The following DNAH2 variants were observed in gnomAD, a reference collection of about 807,000 sequenced individuals.
DNAH2 encodes the protein axonemal beta dynein heavy chain 2.
DNAH2 carries 323 observed loss-of-function variants against 523.5 expected under a neutral mutation model. The observed-to-expected ratio is 0.62, with a 90% CI of 0.56 to 0.68. DNAH2 has a LOEUF of 0.68. Among genes scored for constraint, DNAH2 ranks in the 30% least tolerant of loss-of-function variants. DNAH2 has a pLI of 0.00. For missense variants in DNAH2, 4,907 were observed against 5,701.5 expected, an observed-to-expected ratio of 0.86 and a Z score of 4.49; for synonymous variants, 2,093 against 2,177.4, an observed-to-expected ratio of 0.96 and a Z score of 1.08.
chr17:7,797,545 G>A lies in DNAH2; in HGVS notation c.8080+15G>A. On this transcript the variant is annotated intron_variant, in intron 52 of 85. Coordinates refer to ENST00000572933, the MANE Select transcript of DNAH2 (RefSeq NM_020877.5). ...TCCTATCTTTGGTGAGCCAGGAGCT[G>A]TGATGACCTTGGGCTTGACACTCTT... 1 of 1,614,178 alleles carries A rather than the reference G, an allele frequency of 6.2e-7. No individual in the cohort carries two copies. Among genetic ancestry groups the A allele is most frequent in the Non-Finnish European group, 8.5e-7 (1 of 1,180,022 alleles).
intron 56 of DNAH2, 131 bp from the exon 57 acceptor site, chr17:7,801,447 C>A (rs2077219972): frequency 1.5e-6 from 2 of 1,291,236 alleles, no homozygotes; most frequent in Non-Finnish European, 2.2e-6. Flanking sequence ...AGAATTTGGA[C>A]AAGGAGATAC....
At chr17:7,751,116 G>GTTATTTATTTAT (rs141014293) in intron 12 of DNAH2, among the ~76,000 whole-genome samples, 2 of 150,346 alleles carry the variant, frequency 1.3e-5, no homozygotes, top group Non-Finnish European at 3.0e-5. Context: ...AAAAAATCAA[G>GTTATTTATTTAT]TTATTTATTT....
chr17:7,743,118 G>A lies in DNAH2; in HGVS notation c.1880G>A (p.Gly627Asp), dbSNP rs767602836. The A allele has an allele frequency of 6.3e-7, 1 of 1,581,552 alleles. No homozygotes were observed. Among genetic ancestry groups the A allele is most frequent in the Non-Finnish European group, 8.6e-7 (1 of 1,168,042 alleles). ...PLLRISQEKA[G>D]MLDVNFDKSL... ...CTGCGAATCAGCCAGGAGAAGGCGG[G>A]CATGCTGGATGTCAACTTTGACAAG... is the stretch of plus-strand genomic sequence containing the variant. Residue 627 changes from glycine (G) to aspartate (D), a missense_variant, in exon 12 of 86, where the codon GGC (glycine) becomes GAC (aspartate). This residue lies in a region of DNAH2 where 2,806 missense variants were observed against 3,190.8 expected (regional missense o/e 0.88). Transcript: ENST00000572933.
At position 7,778,194 on chromosome 17, in the gene DNAH2, G is replaced by T; in HGVS notation, c.5351+14G>T. The T allele has an allele frequency of 6.2e-7, 1 of 1,614,226 alleles. No homozygotes were observed. The highest frequency in any genetic ancestry group is 1.6e-4 in the Middle Eastern group (1 of 6,062). On this transcript the variant is annotated intron_variant, in intron 34 of 85. Transcript: ENST00000572933. ...CCTGACGGACAGGTCTGCCATGTGG[G>T]ATGAATGAGGTGGCTGGGGTGGGGG... is the stretch of plus-strand genomic sequence containing the variant.
At chr17:7,768,497 G>A (rs1052134957) in intron 24 of DNAH2, among the ~76,000 whole-genome samples, 10 of 152,232 alleles carry the variant, frequency 6.6e-5, no homozygotes, top group Non-Finnish European at 1.3e-4. Context: ...ACACATTGTA[G>A]AATGGCTAAA....
At position 7,833,619 on chromosome 17, in the gene DNAH2, C is replaced by T; in HGVS notation, c.*86C>T. ...GTTGCACCTAGGACTGAGGCCGGAC[C>T]TCACTCAGACTTTGACCTTGGCCGA... On this transcript the variant is annotated 3_prime_UTR_variant, in exon 86 of 86. Coordinates refer to ENST00000572933, the MANE Select transcript of DNAH2 (RefSeq NM_020877.5). 1 of 1,575,974 alleles carries T rather than the reference C, an allele frequency of 6.3e-7. No homozygotes were observed. Among genetic ancestry groups the T allele is most frequent in the Non-Finnish European group, 8.6e-7 (1 of 1,162,126 alleles).
In DNAH2 at chr17:7,786,205, T is replaced by C. The variant is rs746514742; in HGVS notation, c.6211T>C (p.Tyr2071His). ...PFTLTKVFQL[Y>H]ETKNSRHSTM... ...CACCCTCACCAAGGTTTTCCAGTTG[T>C]ATGAAACCAAGAACTCCCGCCACTC... Residue 2071 changes from tyrosine (Y) to histidine (H), a missense_variant, in exon 40 of 86, where the codon TAT becomes CAT. Physicochemically the swap from Tyr to His is moderately conservative, Grantham distance 83. Transcript: ENST00000572933. The surrounding 1 kb of genome is among the most constrained non-coding windows in gnomAD (Gnocchi z 7.5). The C allele has an allele frequency of 6.2e-7, 1 of 1,613,882 alleles. No individual in the cohort carries two copies. The highest frequency in any genetic ancestry group is 1.1e-5 in the South Asian group (1 of 91,082).
At chr17:7,799,469 G>T (rs2077162565) in intron 56 of DNAH2, among the ~76,000 whole-genome samples, 1 of 152,116 alleles carries the variant, frequency 6.6e-6, no homozygotes, top group African/African-American at 2.4e-5. Flanking sequence ...GTTTGTTTTG[G>T]TGGGTGGCTT....
intron 77 of DNAH2, among the ~76,000 whole-genome samples, chr17:7,826,111 C>T (rs1189160226): frequency 6.6e-6 from 1 of 152,180 alleles, no homozygotes; most frequent in East Asian, 1.9e-4. Flanking sequence ...GCTCCGCCTC[C>T]CAGGTTCAAG....
chr17:7,793,447 TTTTC>T (rs557051250), intron 48 of DNAH2, among the ~76,000 whole-genome samples: 1,610 of 96,200 alleles, frequency 0.017, 33 homozygotes, highest in African/African-American at 0.043. Flanking sequence ...CTTTCTTTCT[TTTTC>T]TTTCTTTCTT....
At chr17:7,796,045 A>ATTTTT (rs377411281) in intron 49 of DNAH2, among the ~76,000 whole-genome samples, 1 of 107,672 alleles carries the variant, frequency 9.3e-6, no homozygotes, top group African/African-American at 3.5e-5. Context: ...TGAGTTTAGG[A>ATTTTT]TTTTTTTTTT....
chr17:7,795,281 G>A (rs4233018), intron 49 of DNAH2, among the ~76,000 whole-genome samples: 81,692 of 151,944 alleles, frequency 0.54, 23,634 homozygotes, highest in Admixed American at 0.63. Context: ...CCATATTGGA[G>A]CCTAAGGGGA....
intron 77 of DNAH2, among the ~76,000 whole-genome samples, chr17:7,826,101 G>A (rs542861005): frequency 5.5e-4 from 84 of 152,306 alleles, no homozygotes; most frequent in African/African-American, 2.0e-3. Flanking sequence ...TGCAGCCTGG[G>A]CTCCGCCTCC....
Position 7,817,590 on chromosome 17 carries a change from T to C in DNAH2, c.10050T>C (p.Pro3350=), listed in dbSNP as rs751392533. 6.2e-7 allele frequency: 1 copy of C among 1,614,168 alleles called. No homozygotes were observed. Among genetic ancestry groups the C allele is most frequent in the African/African-American group, 1.3e-5 (1 of 75,040 alleles). ...GGGAGCTTCAGGTTCCTTGCTCCCC[T>C]TCTTTCGCCATCGATAACTTCCTGT... is the stretch of plus-strand genomic sequence containing the variant. ...KIWELQVPCS[P]SFAIDNFLCN... is the part of the protein sequence containing the mutation. Residue 3350 remains proline, a synonymous_variant, in exon 66 of 86, where the codon CCT becomes CCC. Coordinates refer to ENST00000572933, the MANE Select transcript of DNAH2 (RefSeq NM_020877.5).
intron 12 of DNAH2, among the ~76,000 whole-genome samples, chr17:7,752,459 C>T (rs1408114692): frequency 6.6e-6 from 1 of 152,058 alleles, no homozygotes; most frequent in Non-Finnish European, 1.5e-5. Context: ...GCCTGTAATC[C>T]CAGCACTTTG....
rs1440702736 is a variant in DNAH2 at position 7,743,280 on chromosome 17, T to A, written c.1904+138T>A. On this transcript the variant is annotated intron_variant, in intron 12 of 85. Coordinates refer to ENST00000572933, the MANE Select transcript of DNAH2 (RefSeq NM_020877.5). ...ATATGTTTGCTATCGTCATTTTACT[T>A]TTTTTTTTCTTCTTTTATTTTTGTC... The A allele has an allele frequency of 6.1e-6, 6 of 981,828 alleles. No homozygotes were observed. In the East Asian group the frequency reaches 1.6e-4, roughly 26 times the overall value. The allele number at this position is 981,828 out of a possible 1,614,324, so 60.8% of individuals were successfully genotyped here.
At chr17:7,770,128 C>G in intron 24 of DNAH2, 124 bp from the exon 25 acceptor site, 1 of 1,319,138 alleles carries the variant, frequency 7.6e-7, no homozygotes, top group South Asian at 1.7e-5. Context: ...ATCTTCGAGC[C>G]TGTTTAGCAA....
At chr17:7,744,074 C>T (rs2151163316) in intron 12 of DNAH2, among the ~76,000 whole-genome samples, 1 of 151,988 alleles carries the variant, frequency 6.6e-6, no homozygotes, top group South Asian at 2.1e-4. Context: ...GTGTTGGATT[C>T]CACTCATAAA....
chr17:7,743,537 A>G (rs1441918471), intron 12 of DNAH2: 1 of 597,570 alleles, frequency 1.7e-6, no homozygotes, highest in South Asian at 2.0e-5. Flanking sequence ...GTGGTGGCAC[A>G]AGCCTGTAGT....
Sources: allele counts gnomAD v4.1 joint callset (sites outside exome capture counted in the v4.1 genomes callset), GRCh38; gene constraint gnomAD v4.1.1; regional missense constraint gnomAD v4.1.1; non-coding constraint Gnocchi (gnomAD v3.1); transcripts MANE v1.5; gene names NCBI Gene and HGNC (gene_info 2026-07-23, HGNC 2026-07-21).